MOB3B: variants seen among roughly 807,000 people sequenced by gnomAD.
MOB3B encodes the protein MOB kinase activator 3B.
A neutral mutation model predicts 18.7 loss-of-function variants in MOB3B; 7 were observed. That is an observed-to-expected ratio of 0.37 (90% CI 0.21 to 0.70). The LOEUF (loss-of-function observed/expected upper bound fraction) is 0.70. MOB3B is among the 30% of genes least tolerant of loss of function. The pLI is 0.52. For missense variants in MOB3B, 253 were observed against 281.3 expected (o/e 0.90, Z 0.72); for synonymous variants, 111 against 99.9 (o/e 1.11, Z -0.66).
At chr9:27,448,083 G>C (rs188544680) in intron 2 of MOB3B, among the ~76,000 whole-genome samples, 2 of 152,166 alleles carry the variant, frequency 1.3e-5, no homozygotes, top group Admixed American at 1.3e-4. Context: ...CAACAGGCAG[G>C]GCAAGCCAAG....
chr9:27,347,642 C>A (rs941736072), intron 3 of MOB3B, among the ~76,000 whole-genome samples: 7 of 152,176 alleles, frequency 4.6e-5, no homozygotes, highest in African/African-American at 1.7e-4. Context: ...TGGAGGTAAG[C>A]AAGTATAAGC....
At chr9:27,490,548 T>C (rs1478180490) in intron 1 of MOB3B, among the ~76,000 whole-genome samples, 4 of 152,120 alleles carry the variant, frequency 2.6e-5, no homozygotes, top group Non-Finnish European at 4.4e-5. Context: ...GAAAGGGCAT[T>C]TGAAGCAGTG....
At chr9:27,431,255 A>T (rs1003093480) in intron 2 of MOB3B, among the ~76,000 whole-genome samples, 1 of 152,240 alleles carries the variant, frequency 6.6e-6, no homozygotes, top group African/African-American at 2.4e-5. Flanking sequence ...TTAAACAAAC[A>T]TATTCCTCAC....
chr9:27,381,918 T>C (rs930795129), intron 2 of MOB3B, among the ~76,000 whole-genome samples: 30 of 152,164 alleles, frequency 2.0e-4, no homozygotes, highest in African/African-American at 7.0e-4. Context: ...AGCGTTAGGA[T>C]TACAAGTGTG....
At position 27,517,647 on chromosome 9, in the gene MOB3B, C is replaced by CAAAAA. The variant is rs756559270; in HGVS notation, c.-199+11903_-199+11907dup. On this transcript the variant is annotated intron_variant, in intron 1 of 3. Coordinates refer to ENST00000262244, the MANE Select transcript of MOB3B (RefSeq NM_024761.5). The stretch of plus-strand genomic sequence containing the variant: ...TGGCCGACAGAGCGAGACTCTGTCT[C>CAAAAA]AAAAAAAAAAAAAAAAAAAAAAAAA... 2.1e-3 allele frequency among the ~76,000 whole-genome samples: 111 copies of CAAAAA among 54,020 alleles called. 3 individuals carry two copies. The highest frequency in any genetic ancestry group is 2.4e-3 in the Non-Finnish European group (79 of 33,096). The allele number at this position is 54,020 out of a possible 152,430, so 35.4% of individuals were successfully genotyped here.
intron 2 of MOB3B, among the ~76,000 whole-genome samples, chr9:27,366,055 G>C (rs532998118): frequency 3.3e-4 from 50 of 152,314 alleles, no homozygotes; most frequent in Non-Finnish European, 6.5e-4. Context: ...AGGCCAGGGT[G>C]CTGGGGTGAG....
chr9:27,416,485 T>C (rs1278287669), intron 2 of MOB3B, among the ~76,000 whole-genome samples: 1 of 151,938 alleles, frequency 6.6e-6, no homozygotes, highest in African/African-American at 2.4e-5. Flanking sequence ...AAACACATTC[T>C]TAAAGACTTT....
At chr9:27,370,508 C>CAAAAAAAAAAAAAAAAAAAAAAAAAA (rs761033781) in intron 2 of MOB3B, among the ~76,000 whole-genome samples, 1 of 82,710 alleles carries the variant, frequency 1.2e-5, no homozygotes. Flanking sequence ...AACTCCATCT[C>CAAAAAAAAAAAAAAAAAAAAAAAAAA]AGAAAAAAAA....
chr9:27,413,089 T>C (rs933579409), intron 2 of MOB3B, among the ~76,000 whole-genome samples: 1 of 152,272 alleles, frequency 6.6e-6, no homozygotes, highest in Non-Finnish European at 1.5e-5. Flanking sequence ...TCCCACCCTA[T>C]GCTTTGACCC....
chr9:27,494,534 G>A (rs1447923319), intron 1 of MOB3B, among the ~76,000 whole-genome samples: 1 of 152,072 alleles, frequency 6.6e-6, no homozygotes, highest in Non-Finnish European at 1.5e-5. Context: ...AAGAACCTAC[G>A]TGAATATCAG....
intron 1 of MOB3B, among the ~76,000 whole-genome samples, chr9:27,466,598 A>T (rs939569970): frequency 2.0e-5 from 3 of 152,186 alleles, no homozygotes; most frequent in Non-Finnish European, 4.4e-5. Context: ...ACTGGGAAGA[A>T]AAAAGGGGTT....
At chr9:27,347,373 C>T in intron 3 of MOB3B, among the ~76,000 whole-genome samples, 1 of 152,250 alleles carries the variant, frequency 6.6e-6, no homozygotes, top group East Asian at 1.9e-4. Flanking sequence ...TAGAAGCAGG[C>T]TCACACTGAG....
At position 27,358,394 on chromosome 9, in the gene MOB3B, A is replaced by C. The variant is rs145652613; in HGVS notation, c.621+640T>G. On this transcript the variant is annotated intron_variant, in intron 3 of 3. Transcript: ENST00000262244. Reference sequence around the variant, plus strand: ...GTGCCACTGGAAAGAGAGCTTTTGAAGAAAATAAAAGTAGTCCCCATTCAC... The same window carrying C: ...GTGCCACTGGAAAGAGAGCTTTTGACGAAAATAAAAGTAGTCCCCATTCAC... Among the ~76,000 whole-genome samples, 987 of 152,370 alleles carry C rather than the reference A, an allele frequency of 6.5e-3. 8 individuals are homozygous for C. The highest frequency in any genetic ancestry group is 0.035 in the South Asian group (169 of 4,824).
At chr9:27,495,734 A>C (rs1819888177) in intron 1 of MOB3B, among the ~76,000 whole-genome samples, 2 of 152,228 alleles carry the variant, frequency 1.3e-5, no homozygotes, top group South Asian at 4.1e-4. Context: ...GAATTACTGG[A>C]CTAACTTCAT....
intron 2 of MOB3B, among the ~76,000 whole-genome samples, chr9:27,424,588 T>C (rs1822300212): frequency 6.6e-6 from 1 of 152,150 alleles, no homozygotes; most frequent in South Asian, 2.1e-4. Flanking sequence ...CGGGGGCCAA[T>C]CATAAACTGC....
At chr9:27,489,741 C>CTTTTTTTTTTTTTTTTTTTTTTTTTTTT (rs66757462) in intron 1 of MOB3B, among the ~76,000 whole-genome samples, 2 of 73,152 alleles carry the variant, frequency 2.7e-5, no homozygotes, top group African/African-American at 9.0e-5. Flanking sequence ...AGGAAATAAT[C>CTTTTTTTTTTTTTTTTTTTTTTTTTTTT]TTTTTTTTTT....
At chr9:27,419,961 AAAAAC>A (rs1313340825) in intron 2 of MOB3B, among the ~76,000 whole-genome samples, 1 of 152,170 alleles carries the variant, frequency 6.6e-6, no homozygotes, top group Non-Finnish European at 1.5e-5. Flanking sequence ...TTAGTAAGAA[AAAAAC>A]AAACAATCCC....
At chr9:27,505,967 C>T (rs1820052631) in intron 1 of MOB3B, among the ~76,000 whole-genome samples, 1 of 152,216 alleles carries the variant, frequency 6.6e-6, no homozygotes, top group African/African-American at 2.4e-5. Flanking sequence ...TGGGCTTTTA[C>T]CTTTCTCTCT....
At chr9:27,504,508 T>C (rs1010132781) in intron 1 of MOB3B, among the ~76,000 whole-genome samples, 1 of 152,206 alleles carries the variant, frequency 6.6e-6, no homozygotes, top group Non-Finnish European at 1.5e-5. Flanking sequence ...TGTCAGTGAC[T>C]GGCCTGGTCA....
Sources: gnomAD v4.1 joint callset for allele counts (sites outside exome capture counted in the v4.1 genomes callset) on GRCh38, gnomAD v4.1.1 for gene constraint, MANE v1.5 for transcripts, NCBI Gene and HGNC (gene_info 2026-07-23, HGNC 2026-07-21) for gene names.